Variants in EEF1D observed in about 807,000 individuals in gnomAD.
EEF1D encodes the protein eukaryotic translation elongation factor 1 delta.
A neutral mutation model predicts 63.9 loss-of-function variants in EEF1D; 47 were observed. The observed-to-expected ratio is 0.74, with a 90% CI of 0.58 to 0.94. The LOEUF is 0.94. Ranked by LOEUF, EEF1D falls within the 40% of genes least tolerant of loss-of-function variation. EEF1D has a pLI of 0.00. For synonymous variants in EEF1D, 412 were observed against 386.1 expected (o/e 1.07, Z -0.79); for missense variants, 907 against 899.0 (o/e 1.01, Z -0.11).
chr8:143,584,427 C>T (rs1402599221), intron 5 of EEF1D, among the ~76,000 whole-genome samples: 1 of 151,316 alleles, frequency 6.6e-6, no homozygotes, highest in Admixed American at 6.6e-5. Flanking sequence ...GTCAGCTGGG[C>T]TTGGTGGCAG....
chr8:143,579,776 TAC>T lies in EEF1D; in HGVS notation c.*14_*15del, dbSNP rs1206066592. Reference sequence around the variant, plus strand: ...GCAGGGCCTCACGCACGCGCGCACGTACACACACTCAGGCTTCAGATCTTGTT... The same window carrying T: ...GCAGGGCCTCACGCACGCGCGCACGTACACACTCAGGCTTCAGATCTTGTT... On this transcript the variant is annotated 3_prime_UTR_variant, in exon 10 of 10. Coordinates refer to ENST00000618139, the MANE Select transcript of EEF1D (RefSeq NM_001130053.5). The T allele has an allele frequency of 6.4e-7, 1 of 1,550,794 alleles. No homozygotes were observed. The highest frequency in any genetic ancestry group is 1.2e-5 in the South Asian group (1 of 80,998).
intron 5 of EEF1D, chr8:143,582,032 G>T (rs1825653755): frequency 6.6e-6 from 1 of 152,336 alleles, no homozygotes; most frequent in African/African-American, 2.4e-5. Flanking sequence ...GCACCTGGCT[G>T]CATGGAGCTC....
chr8:143,579,838 GA>G lies in EEF1D; in HGVS notation c.1906-9del. On this transcript the variant is annotated splice_polypyrimidine_tract_variant and intron_variant, in intron 9 of 9. Coordinates refer to ENST00000618139, the MANE Select transcript of EEF1D (RefSeq NM_001130053.5). ...GATATCGACACTCTGCACCTGAGGA[GA>G]GGCGGAGGGTGACGGTCAGGGCTGT... The G allele has an allele frequency of 6.4e-7, 1 of 1,557,370 alleles. No individual in the cohort carries two copies. The highest frequency in any genetic ancestry group is 8.7e-7 in the Non-Finnish European group (1 of 1,149,248).
intron 4 of EEF1D, 48 bp from the exon 5 acceptor site, chr8:143,586,338 G>A (rs761658589): frequency 1.4e-6 from 2 of 1,452,826 alleles, no homozygotes; most frequent in African/African-American, 1.4e-5. Context: ...TATTAAAAAA[G>A]AATTTAATTA....
intron 3 of EEF1D, among the ~76,000 whole-genome samples, chr8:143,588,639 A>G (rs541686731): frequency 6.6e-6 from 1 of 152,232 alleles, no homozygotes; most frequent in African/African-American, 2.4e-5. Context: ...CCGCCCCTAT[A>G]AGTAGCCTTA....
intron 3 of EEF1D, 186 bp downstream of exon 3, chr8:143,588,805 G>A: frequency 1.3e-6 from 1 of 796,404 alleles, no homozygotes; most frequent in Non-Finnish European, 1.9e-6. Flanking sequence ...CAGTGTCCCT[G>A]GAACCCACAA....
intron 2 of EEF1D, among the ~76,000 whole-genome samples, chr8:143,591,760 A>G (rs1225914622): frequency 6.6e-6 from 1 of 152,236 alleles, no homozygotes; most frequent in African/African-American, 2.4e-5. Flanking sequence ...CAGACCCTTC[A>G]CACCAGTGGC....
intron 5 of EEF1D, 51 bp downstream of exon 5, chr8:143,586,168 T>C (rs369078847): frequency 1.3e-6 from 2 of 1,552,628 alleles, no homozygotes; most frequent in Non-Finnish European, 8.8e-7. Flanking sequence ...AAATCAGACA[T>C]GCTGCTTGGC....
rs1377800003 is a variant in EEF1D at position 143,589,387 on chromosome 8, A to G, written c.695T>C (p.Val232Ala). Residue 232 changes from valine (V) to alanine (A), a missense_variant, in exon 3 of 10, where the codon GTG (valine) becomes GCG (alanine). Coordinates refer to ENST00000618139, the MANE Select transcript of EEF1D (RefSeq NM_001130053.5). ...ATCATACCGGGGCTTCTCCAGCCAC[A>G]CCTCCCGAACCAGTGCCTGCAGGCT... ...LGSLQALVRE[V>A]WLEKPRYDAA... The G allele has an allele frequency of 1.9e-6, 3 of 1,539,590 alleles. No homozygotes were observed. The South Asian group carries it at 3.6e-5, about 19-fold the overall frequency.
intron 5 of EEF1D, among the ~76,000 whole-genome samples, chr8:143,585,511 C>T (rs1406466176): frequency 6.6e-6 from 1 of 152,222 alleles, no homozygotes; most frequent in Non-Finnish European, 1.5e-5. Context: ...TGTACTGTTT[C>T]CAGCGTGAGG....
At chr8:143,593,249 T>TA (rs34037472) in intron 1 of EEF1D, among the ~76,000 whole-genome samples, 21,409 of 152,054 alleles carry the variant, frequency 0.14, 1,932 homozygotes, top group East Asian at 0.34. Flanking sequence ...CAGCACAAGC[T>TA]ACAAAGGCCT....
chr8:143,586,392 C>A (rs1054859214), intron 4 of EEF1D, 102 bp from the exon 5 acceptor site: 7 of 1,092,504 alleles, frequency 6.4e-6, no homozygotes, highest in Non-Finnish European at 6.4e-6. Context: ...ATAGAGACAG[C>A]AAGAAAGTAC....
At chr8:143,590,199 G>C in intron 2 of EEF1D, 118 bp from the exon 3 acceptor site, 1 of 1,388,902 alleles carries the variant, frequency 7.2e-7, no homozygotes, top group Non-Finnish European at 9.7e-7. Context: ...TCCCTGGGCA[G>C]GGGCTGAGGA....
At chr8:143,586,876 C>T (rs768931689) in intron 3 of EEF1D, 24 bp from the exon 4 acceptor site, 5 of 1,611,952 alleles carry the variant, frequency 3.1e-6, no homozygotes, top group Non-Finnish European at 4.2e-6. Flanking sequence ...GAGGCAAAGT[C>T]AGCATGGCTG....
intron 7 of EEF1D, 161 bp from the exon 8 acceptor site, chr8:143,580,888 T>A: frequency 9.1e-7 from 1 of 1,099,286 alleles, no homozygotes; most frequent in African/African-American, 1.6e-5. Flanking sequence ...AGACAAAAAC[T>A]GCCTCCACCT....
In EEF1D at chr8:143,589,920, C is replaced by G. The variant is rs747852224; in HGVS notation, c.162G>C (p.Gln54His). 9.4e-6 allele frequency: 15 copies of G among 1,599,020 alleles called. No individual in the cohort carries two copies. In the South Asian group the frequency reaches 1.7e-4, roughly 18 times the overall value. The change falls in exon 3 of 10, where the codon CAG becomes CAC. Residue 54 changes from glutamine to histidine, a missense_variant. Physicochemically the swap from Gln to His is conservative, Grantham distance 24. Coordinates refer to ENST00000618139, the MANE Select transcript of EEF1D (RefSeq NM_001130053.5). Reference sequence around the variant, plus strand: ...CCTCATCAGCGTCCTCAGGGTCGTCCTGGCCGGGCCCATTCATGGCTGGCC... The same window carrying G: ...CCTCATCAGCGTCCTCAGGGTCGTCGTGGCCGGGCCCATTCATGGCTGGCC... ...AEGPAMNGPG[Q>H]DDPEDADEAE... is the part of the protein sequence containing the mutation.
Position 143,580,686 on chromosome 8 carries a change from C to T in EEF1D, c.1530G>A (p.Lys510=), listed in dbSNP as rs975638545. ...CGTCATCCTCTGCTGGTGTGGCTGG[C>T]TTCTTGGCTGGGGGCTCCACTTGGC... The part of the protein sequence containing the change: ...PMRQVEPPAK[K]PATPAEDDED... Residue 510 remains lysine, a synonymous_variant, in exon 8 of 10, where the codon AAG becomes AAA. Coordinates refer to ENST00000618139, the MANE Select transcript of EEF1D (RefSeq NM_001130053.5). 2 of 1,613,886 alleles carry T rather than the reference C, an allele frequency of 1.2e-6. No homozygotes were observed. Among genetic ancestry groups the T allele is most frequent in the Non-Finnish European group, 1.7e-6 (2 of 1,180,008 alleles).
chr8:143,590,512 C>T, intron 2 of EEF1D: 1 of 1,189,208 alleles, frequency 8.4e-7, no homozygotes, highest in Non-Finnish European at 1.1e-6. Context: ...CCTGGCCACC[C>T]CACCATGGTG....
At chr8:143,580,938 C>G (rs1563951748) in intron 7 of EEF1D, 116 bp downstream of exon 7, 12 of 1,279,566 alleles carry the variant, frequency 9.4e-6, no homozygotes, top group Non-Finnish European at 1.3e-5. Context: ...GACCTGAGGA[C>G]TCCAGTATCC....
Sources: gnomAD v4.1 joint callset for allele counts (sites outside exome capture counted in the v4.1 genomes callset) on GRCh38, gnomAD v4.1.1 for gene constraint, MANE v1.5 for transcripts, NCBI Gene and HGNC (gene_info 2026-07-23, HGNC 2026-07-21) for gene names.